Variants in SYNJ2BP observed in about 807,000 individuals in gnomAD.
The protein encoded by SYNJ2BP is synaptojanin-2-binding protein.
Under a neutral mutation model 16.9 loss-of-function variants are expected in SYNJ2BP, and 10 were observed. That is an observed-to-expected ratio of 0.59 (90% CI 0.36 to 1.00). SYNJ2BP has a LOEUF of 1.00. SYNJ2BP is among the 50% of genes least tolerant of loss of function. SYNJ2BP has a pLI of 0.01. For synonymous variants in SYNJ2BP, 54 were observed against 68.4 expected, an observed-to-expected ratio of 0.79 and a Z score of 1.04; for missense variants, 162 against 186.7, an observed-to-expected ratio of 0.87 and a Z score of 0.77.
chr14:70,382,575 C>T (rs1181915906), intron 2 of SYNJ2BP, among the ~76,000 whole-genome samples: 3 of 152,220 alleles, frequency 2.0e-5, no homozygotes, highest in Non-Finnish European at 2.9e-5. Context: ...GATGGCCAGA[C>T]TGCTGGTCCT....
At chr14:70,390,610 G>A (rs563767427) in intron 1 of SYNJ2BP, among the ~76,000 whole-genome samples, 7 of 151,912 alleles carry the variant, frequency 4.6e-5, no homozygotes, top group Non-Finnish European at 1.0e-4. Flanking sequence ...GGAGTTTGCA[G>A]TGAGCTGAGA....
rs77507848 is a variant in SYNJ2BP at position 70,412,625 on chromosome 14, T to C, written c.64+4275A>G. 6.5e-3 allele frequency among the ~76,000 whole-genome samples: 978 copies of C among 149,524 alleles called. 10 individuals carry two copies. Among genetic ancestry groups the C allele is most frequent in the African/African-American group, 0.023 (931 of 40,758 alleles). On this transcript the variant is annotated intron_variant, in intron 1 of 3. Coordinates refer to ENST00000256366, the MANE Select transcript of SYNJ2BP (RefSeq NM_018373.3). Reference sequence around the variant, plus strand: ...TATATATACAGTATATATATGTATATATAGTAACTAGCACACTACCGGAAA... The same window carrying C: ...TATATATACAGTATATATATGTATACATAGTAACTAGCACACTACCGGAAA...
intron 1 of SYNJ2BP, among the ~76,000 whole-genome samples, chr14:70,389,710 T>G (rs751524727): frequency 1.5e-4 from 23 of 152,202 alleles, no homozygotes; most frequent in Non-Finnish European, 2.4e-4. Flanking sequence ...TTAAAAAATT[T>G]TGGAGTTGGA....
chr14:70,373,897 A>C (rs1237989229), intron 3 of SYNJ2BP, among the ~76,000 whole-genome samples: 2 of 152,222 alleles, frequency 1.3e-5, no homozygotes, highest in Non-Finnish European at 2.9e-5. Flanking sequence ...TTATGGCATC[A>C]TCGTATTTCA....
At chr14:70,401,200 G>A (rs533182269) in intron 1 of SYNJ2BP, among the ~76,000 whole-genome samples, 32 of 152,294 alleles carry the variant, frequency 2.1e-4, no homozygotes, top group East Asian at 7.7e-4. Context: ...TTTTAGAACC[G>A]TACAAACTGA....
chr14:70,388,602 C>T lies in SYNJ2BP; in HGVS notation c.69G>A (p.Leu23=). ...EINLTRGPSG[L]GFNIVGGTDQ... ...CTGTCCCACCGACGATGTTGAAGCC[C>T]AGCCCTGAGAAAATCATGGAGGAGT... Residue 23 remains leucine, a synonymous_variant, in exon 2 of 4, where the codon CTG becomes CTA. Transcript: ENST00000256366. The T allele has an allele frequency of 6.6e-7, 1 of 1,509,992 alleles. No homozygotes were observed. Among genetic ancestry groups the T allele is most frequent in the Non-Finnish European group, 8.9e-7 (1 of 1,128,538 alleles). 93.5% of individuals were successfully genotyped at this position (1,509,992 alleles called of 1,614,324 possible).
At position 70,368,565 on chromosome 14, in the gene SYNJ2BP, A is replaced by C. The variant is rs1887445171; in HGVS notation, c.*4426T>G. ...TTGGTTCTCATTTAATTGATGCACC[A>C]ACTGAAACACTCACTAATCATACAT... On this transcript the variant is annotated 3_prime_UTR_variant, in exon 4 of 4. Transcript: ENST00000256366. The C allele has an allele frequency of 6.6e-6, 1 of 152,064 alleles. No homozygotes were observed. The highest frequency in any genetic ancestry group is 6.6e-5 in the Admixed American group (1 of 15,260). The allele number at this position is 152,064 out of a possible 1,614,324, so 9.4% of individuals were successfully genotyped here.
intron 1 of SYNJ2BP, among the ~76,000 whole-genome samples, chr14:70,405,840 GAT>G (rs1386674597): frequency 6.6e-6 from 1 of 152,168 alleles, no homozygotes; most frequent in Non-Finnish European, 1.5e-5. Context: ...AAGAGAAAAA[GAT>G]GTGTTGGTCT....
At chr14:70,380,515 A>C (rs2140819851) in intron 2 of SYNJ2BP, among the ~76,000 whole-genome samples, 1 of 152,090 alleles carries the variant, frequency 6.6e-6, no homozygotes, top group South Asian at 2.1e-4. Context: ...TACAAAAATA[A>C]GCTGGGCGTG....
chr14:70,388,670 T>C, intron 1 of SYNJ2BP, 64 bp from the exon 2 acceptor site: 1 of 1,409,956 alleles, frequency 7.1e-7, no homozygotes, highest in Non-Finnish European at 9.3e-7. Context: ...TTAGAGAAGA[T>C]GAAGAGAAAG....
intron 1 of SYNJ2BP, among the ~76,000 whole-genome samples, chr14:70,399,084 CGTGGTGGGTGGGT>C (rs911550193): frequency 2.7e-5 from 4 of 150,320 alleles, no homozygotes; most frequent in South Asian, 2.1e-4. Context: ...CTGCAGTGCC[CGTGGTGGGTGGGT>C]GTGGTGGGTG....
Position 70,367,470 on chromosome 14 carries a change from G to A in SYNJ2BP, c.*5521C>T, listed in dbSNP as rs1887413785. The A allele has an allele frequency of 6.8e-6, 1 of 146,570 alleles. No individual in the cohort carries two copies. The highest frequency in any genetic ancestry group is 2.5e-5 in the African/African-American group (1 of 39,458). The allele number at this position is 146,570 out of a possible 1,614,324, so 9.1% of individuals were successfully genotyped here. On this transcript the variant is annotated 3_prime_UTR_variant, in exon 4 of 4. Transcript: ENST00000256366. ...CCAACTACTGGGGAGGCTGAGGCAG[G>A]AGAATCGCTTGAACCCGGGCGGCAG...
At chr14:70,401,408 C>T (rs541149782) in intron 1 of SYNJ2BP, among the ~76,000 whole-genome samples, 2 of 151,154 alleles carry the variant, frequency 1.3e-5, no homozygotes, top group East Asian at 3.9e-4. Context: ...CCAGCCTGGG[C>T]AATGTATTTT....
rs367667124 is a variant in SYNJ2BP at position 70,372,356 on chromosome 14, A to C, written c.*635T>G. ...CCTACTACATTTGCTCTGTTTAAGTATCTCTTTAAATTCTTCAGTTAAGAT... is the reference window on the plus strand; with the variant it reads ...CCTACTACATTTGCTCTGTTTAAGTCTCTCTTTAAATTCTTCAGTTAAGAT... On this transcript the variant is annotated 3_prime_UTR_variant, in exon 4 of 4. Coordinates refer to ENST00000256366, the MANE Select transcript of SYNJ2BP (RefSeq NM_018373.3). 5.9e-5 allele frequency: 9 copies of C among 152,652 alleles called. No homozygotes were observed. Among genetic ancestry groups the C allele is most frequent in the African/African-American group, 1.9e-4 (8 of 41,446 alleles). 9.5% of individuals were successfully genotyped at this position (152,652 alleles called of 1,614,324 possible).
At chr14:70,379,223 AT>A (rs1887696770) in intron 2 of SYNJ2BP, among the ~76,000 whole-genome samples, 1 of 152,226 alleles carries the variant, frequency 6.6e-6, no homozygotes, top group African/African-American at 2.4e-5. Flanking sequence ...AGGTCTCCAG[AT>A]TAATCTTCCT....
At chr14:70,390,761 C>T (rs893675602) in intron 1 of SYNJ2BP, among the ~76,000 whole-genome samples, 7 of 152,092 alleles carry the variant, frequency 4.6e-5, no homozygotes, top group Non-Finnish European at 1.0e-4. Context: ...ACAGTATTAA[C>T]ATAAGCACTA....
At chr14:70,391,305 C>T (rs946481352) in intron 1 of SYNJ2BP, among the ~76,000 whole-genome samples, 1 of 152,096 alleles carries the variant, frequency 6.6e-6, no homozygotes, top group African/African-American at 2.4e-5. Context: ...TAAGAAGGTG[C>T]TACTTCTGGA....
chr14:70,388,737 G>C (rs1887915360), intron 1 of SYNJ2BP, 131 bp from the exon 2 acceptor site: 5 of 1,299,750 alleles, frequency 3.8e-6, no homozygotes, highest in Non-Finnish European at 4.9e-6. Flanking sequence ...TGGCGAGTCA[G>C]CCTGTGATGG....
intron 2 of SYNJ2BP, among the ~76,000 whole-genome samples, chr14:70,384,816 C>T (rs1259871699): frequency 6.6e-6 from 1 of 152,078 alleles, no homozygotes; most frequent in Admixed American, 6.5e-5. Flanking sequence ...TTTTAAGTTT[C>T]CTGGGGCCTC....
Sources: gnomAD v4.1 joint callset for allele counts (sites outside exome capture counted in the v4.1 genomes callset) on GRCh38, gnomAD v4.1.1 for gene constraint, MANE v1.5 for transcripts, NCBI Gene and HGNC (gene_info 2026-07-23, HGNC 2026-07-21) for gene names.